The following CHD7 variants were observed in gnomAD, a reference collection of about 807,000 sequenced individuals.
CHD7 encodes the protein chromodomain helicase DNA binding protein 7.
In CHD7, 24 loss-of-function variants were observed where a neutral mutation model predicts 307.3. That is an observed-to-expected ratio of 0.08 (90% CI 0.06 to 0.11). CHD7 has a LOEUF of 0.11. CHD7 is among the 10% of genes least tolerant of loss of function. The pLI, the probability that CHD7 is intolerant of heterozygous loss-of-function variation, is 1.00. For synonymous variants in CHD7, 1,363 were observed against 1,349.9 expected (o/e 1.01, Z -0.21); for missense variants, 3,106 against 3,727.1 (o/e 0.83, Z 4.34).
chr8:60,827,248 TA>T (rs11323480), intron 13 of CHD7, among the ~76,000 whole-genome samples: 28,584 of 138,174 alleles, frequency 0.21, 3,791 homozygotes, highest in African/African-American at 0.4. Flanking sequence ...TAAAGTATAA[TA>T]AAAAAAAAAA....
chr8:60,824,230 G>C (rs1363259572), intron 13 of CHD7: 9 of 521,274 alleles, frequency 1.7e-5, no homozygotes, highest in Non-Finnish European at 3.0e-5. Flanking sequence ...TATTATAGCA[G>C]AGTGTAATCA....
intron 3 of CHD7, among the ~76,000 whole-genome samples, chr8:60,789,797 C>T (rs996345325): frequency 9.2e-5 from 14 of 152,216 alleles, no homozygotes; most frequent in South Asian, 2.1e-4. Context: ...GCCGTCCTTA[C>T]GAACTTACAG....
chr8:60,681,673 TCTG>T (rs1805638980), intron 1 of CHD7, among the ~76,000 whole-genome samples: 1 of 152,226 alleles, frequency 6.6e-6, no homozygotes, highest in African/African-American at 2.4e-5. Flanking sequence ...TTTTTGGTAA[TCTG>T]CTGATAAAAG....
intron 1 of CHD7, among the ~76,000 whole-genome samples, chr8:60,720,292 G>A (rs1445053650): frequency 1.3e-5 from 2 of 152,112 alleles, no homozygotes; most frequent in East Asian, 1.9e-4. Context: ...TGCACATTGG[G>A]ATAAATTCCT....
In CHD7 at chr8:60,853,193, C is replaced by G; in HGVS notation, c.6468C>G (p.Val2156=). Residue 2156 remains valine (V), a synonymous_variant, in exon 31 of 38, where the codon GTC becomes GTG. Transcript: ENST00000423902. The part of the protein sequence containing the change: ...LAVGFVQTPP[V]ISSAHIQDER... ...TTGGATTTGTCCAGACTCCTCCAGT[C>G]ATCTCATCTGCTCATATTCAAGATG... is the stretch of plus-strand genomic sequence containing the variant. The G allele has an allele frequency of 3.7e-6, 6 of 1,613,928 alleles. No homozygotes were observed. Among genetic ancestry groups the G allele is most frequent in the Non-Finnish European group, 5.1e-6 (6 of 1,179,866 alleles).
At chr8:60,862,860 G>A in intron 37 of CHD7, 1 of 554,092 alleles carries the variant, frequency 1.8e-6, no homozygotes, top group East Asian at 3.0e-5. Context: ...AATTTAAAAG[G>A]TTTGTATGGA....
At chr8:60,734,015 T>C (rs1808583494) in intron 1 of CHD7, among the ~76,000 whole-genome samples, 2 of 152,224 alleles carry the variant, frequency 1.3e-5, no homozygotes, top group Admixed American at 1.3e-4. Flanking sequence ...ACAGATTAAA[T>C]TTGTCACTAA....
intron 2 of CHD7, among the ~76,000 whole-genome samples, chr8:60,752,466 C>A (rs528191612): frequency 6.6e-6 from 1 of 152,220 alleles, no homozygotes; most frequent in Non-Finnish European, 1.5e-5. Flanking sequence ...TGGCCTCTTG[C>A]CAGCGGCTGC....
intron 3 of CHD7, among the ~76,000 whole-genome samples, chr8:60,792,747 G>A (rs1421543222): frequency 1.3e-5 from 2 of 152,152 alleles, no homozygotes; most frequent in Admixed American, 1.3e-4. Flanking sequence ...CACGCATGCA[G>A]GGCCTGGCAG....
intron 1 of CHD7, among the ~76,000 whole-genome samples, chr8:60,706,115 A>G (rs1358730423): frequency 6.6e-6 from 1 of 152,098 alleles, no homozygotes; most frequent in Non-Finnish European, 1.5e-5. Context: ...TCCAAAGGAC[A>G]TGGAGAATCT....
intron 1 of CHD7, among the ~76,000 whole-genome samples, chr8:60,711,539 G>A (rs1050626253): frequency 5.9e-5 from 9 of 152,148 alleles, no homozygotes; most frequent in East Asian, 3.8e-4. Context: ...GAAATCTTTC[G>A]TTATTTGATG....
chr8:60,713,789 AC>A (rs1807404649), intron 1 of CHD7, among the ~76,000 whole-genome samples: 1 of 151,978 alleles, frequency 6.6e-6, no homozygotes, highest in East Asian at 1.9e-4. Context: ...GATCTAAGTG[AC>A]CTTTCCCACA....
chr8:60,821,741 T>A, intron 9 of CHD7, 49 bp from the exon 10 acceptor site: 1 of 1,520,990 alleles, frequency 6.6e-7, no homozygotes, highest in Non-Finnish European at 8.9e-7. Flanking sequence ...TGTATATGTA[T>A]GTATGTGGTC....
In CHD7 at chr8:60,865,689, C is replaced by T. The variant is rs990589419; in HGVS notation, c.8750C>T (p.Thr2917Met). 4.4e-6 allele frequency: 7 copies of T among 1,605,302 alleles called. No homozygotes were observed. Among genetic ancestry groups the T allele is most frequent in the East Asian group, 2.2e-5 (1 of 44,740 alleles). ...MFLPPGLGGL[T>M]LPGFPALAGL... ...CTACCTCCAGGACTGGGGGGATTGA[C>T]GCTGCCTGGGTTCCCAGCATTGGCA... The change falls in exon 38 of 38, where the codon ACG becomes ATG. Residue 2917 changes from threonine (T) to methionine (M), a missense_variant. By Grantham distance (81) the Thr-to-Met change is moderately conservative (BLOSUM62 -1). This residue lies in a region of CHD7 where 351 missense variants were observed against 366.2 expected (regional missense o/e 0.96). Transcript: ENST00000423902. This position sits in a 1 kb window ranked among gnomAD's most constrained non-coding sequence, Gnocchi z 4.3.
rs188353175 is a variant in CHD7 at position 60,743,712 on chromosome 8, T to G, written c.1665+615T>G. Among the ~76,000 whole-genome samples, 439 of 152,352 alleles carry G rather than the reference T, an allele frequency of 2.9e-3. 4 individuals carry two copies. The highest frequency in any genetic ancestry group is 0.01 in the African/African-American group (420 of 41,574). On this transcript the variant is annotated intron_variant, in intron 2 of 37. Transcript: ENST00000423902. ...CCAGCACTGAAGTAGGGAATCTTCC[T>G]TTTTTGTAAGCTGACGTTTTTGTTA... is the stretch of plus-strand genomic sequence containing the variant.
At chr8:60,702,351 T>G (rs950103032) in intron 1 of CHD7, among the ~76,000 whole-genome samples, 1 of 152,262 alleles carries the variant, frequency 6.6e-6, no homozygotes, top group African/African-American at 2.4e-5. Flanking sequence ...ATGTTCTTTC[T>G]TGTTAGACTA....
chr8:60,711,252 A>G (rs1807269178), intron 1 of CHD7, among the ~76,000 whole-genome samples: 1 of 152,214 alleles, frequency 6.6e-6, no homozygotes, highest in Admixed American at 6.5e-5. Context: ...CCACATCACA[A>G]TTTTAAAGGA....
At chr8:60,759,784 G>C (rs1355914315) in intron 2 of CHD7, among the ~76,000 whole-genome samples, 1 of 152,150 alleles carries the variant, frequency 6.6e-6, no homozygotes, top group African/African-American at 2.4e-5. Context: ...GTTTAAGCTG[G>C]AGTGTGAAAA....
chr8:60,759,578 A>G (rs1810073899), intron 2 of CHD7, among the ~76,000 whole-genome samples: 1 of 151,376 alleles, frequency 6.6e-6, no homozygotes, highest in African/African-American at 2.4e-5. Context: ...ATGGTAAACA[A>G]CTCACTTTAA....
Sources: gnomAD v4.1 joint callset for allele counts (sites outside exome capture counted in the v4.1 genomes callset) on GRCh38, gnomAD v4.1.1 for gene constraint, gnomAD v4.1.1 regional missense constraint, Gnocchi (gnomAD v3.1) non-coding constraint, MANE v1.5 for transcripts, NCBI Gene and HGNC (gene_info 2026-07-23, HGNC 2026-07-21) for gene names.